The following CAMTA1 variants were observed in gnomAD, a reference collection of about 807,000 sequenced individuals.
CAMTA1 encodes calmodulin-binding transcription activator 1.
Under a neutral mutation model 170.9 loss-of-function variants are expected in CAMTA1, and 27 were observed. The ratio of observed to expected loss-of-function variants is 0.16; its 90% CI spans 0.12 to 0.22. CAMTA1 has a LOEUF of 0.22. Among genes scored for constraint, CAMTA1 ranks in the 10% least tolerant of loss-of-function variants. The probability of loss-of-function intolerance (pLI) is 1.00; values close to 1 mark genes in which losing one functional copy is unlikely to be tolerated. For missense variants in CAMTA1, 1,619 were observed against 2,217.2 expected (o/e 0.73, Z 5.42); for synonymous variants, 833 against 891.5 (o/e 0.93, Z 1.17).
At chr1:7,649,082 T>C (rs942470700) in intron 7 of CAMTA1, among the ~76,000 whole-genome samples, 1 of 152,248 alleles carries the variant, frequency 6.6e-6, no homozygotes, top group African/African-American at 2.4e-5. Context: ...CATTTCTGGA[T>C]GTTCCAGGAC....
intron 3 of CAMTA1, among the ~76,000 whole-genome samples, chr1:6,943,308 C>A (rs556628994): frequency 6.6e-6 from 1 of 152,102 alleles, no homozygotes; most frequent in African/African-American, 2.4e-5. Context: ...AACTGTGGTC[C>A]CCTTGTCTCC....
intron 5 of CAMTA1, among the ~76,000 whole-genome samples, chr1:7,364,363 T>C (rs988269626): frequency 6.6e-6 from 1 of 152,076 alleles, no homozygotes; most frequent in Non-Finnish European, 1.5e-5. Context: ...ATTTAGTGTC[T>C]GGTAAGAGGC....
In CAMTA1 at chr1:7,561,855, G is replaced by C. The variant is rs577390596; in HGVS notation, c.511-78545G>C. ...AACGAACCCTCATCCCTGCCTGCAC[G>C]CCGGCCTGGAGGAGGAAGCCATCCT... On this transcript the variant is annotated intron_variant, in intron 6 of 22. Coordinates refer to ENST00000303635, the MANE Select transcript of CAMTA1 (RefSeq NM_015215.4). This position sits in a 1 kb window ranked among gnomAD's most constrained non-coding sequence, Gnocchi z 5.3. Among the ~76,000 whole-genome samples the C allele has an allele frequency of 2.0e-5, 3 of 152,126 alleles. No homozygotes were observed. The highest frequency in any genetic ancestry group is 4.8e-5 in the African/African-American group (2 of 41,420).
intron 4 of CAMTA1, among the ~76,000 whole-genome samples, chr1:7,230,702 G>A (rs890883491): frequency 6.6e-6 from 1 of 152,200 alleles, no homozygotes; most frequent in East Asian, 1.9e-4. Flanking sequence ...ATCTGGGAAA[G>A]CATCCTTATT....
At chr1:7,739,518 A>G (rs2096795164) in intron 16 of CAMTA1, among the ~76,000 whole-genome samples, 1 of 152,232 alleles carries the variant, frequency 6.6e-6, no homozygotes, top group African/African-American at 2.4e-5. Context: ...GACATACTCC[A>G]GACTGGGGAA....
chr1:7,555,312 G>A (rs1053746998), intron 6 of CAMTA1, among the ~76,000 whole-genome samples: 1 of 152,142 alleles, frequency 6.6e-6, no homozygotes, highest in African/African-American at 2.4e-5. Context: ...ATTTGGGGGT[G>A]CATGTGGGTA....
chr1:7,578,052 A>G (rs2095218590), intron 6 of CAMTA1, among the ~76,000 whole-genome samples: 1 of 152,238 alleles, frequency 6.6e-6, no homozygotes, highest in Admixed American at 6.5e-5. Flanking sequence ...TGTTAATCTC[A>G]CATTGTGAGT....
intron 6 of CAMTA1, among the ~76,000 whole-genome samples, chr1:7,632,052 C>T (rs1299807883): frequency 2.6e-5 from 4 of 152,240 alleles, no homozygotes; most frequent in Non-Finnish European, 5.9e-5. Context: ...CCCTCTATCC[C>T]GTCCCTAATA....
rs1401932316 is a variant in CAMTA1, at chr1:7,732,313, G to A, written c.2915-135G>A. 1 of 690,582 alleles carries A rather than the reference G, an allele frequency of 1.4e-6. No individual in the cohort carries two copies. The highest frequency in any genetic ancestry group is 2.7e-5 in the East Asian group (1 of 36,502). 42.8% of individuals were successfully genotyped at this position (690,582 alleles called of 1,614,324 possible). A position where few individuals can be genotyped will look rare whatever the true frequency, so the allele number is the denominator to read the frequency against. On this transcript the variant is annotated intron_variant, in intron 11 of 22. Coordinates refer to ENST00000303635, the MANE Select transcript of CAMTA1 (RefSeq NM_015215.4). The surrounding 1 kb of genome is among the most constrained non-coding windows in gnomAD (Gnocchi z 4.1). The stretch of plus-strand genomic sequence containing the variant: ...ATTCACGATCGTGCTGGGGAACTCT[G>A]GCTGGCGGAGACCTCTCTGGTTTGG...
At chr1:7,024,149 G>A (rs1701747163) in intron 3 of CAMTA1, among the ~76,000 whole-genome samples, 1 of 152,122 alleles carries the variant, frequency 6.6e-6, no homozygotes, top group African/African-American at 2.4e-5. Flanking sequence ...TGCACATGAA[G>A]GTCCAGCACA....
intron 3 of CAMTA1, among the ~76,000 whole-genome samples, chr1:7,070,412 T>C (rs1370675091): frequency 6.6e-6 from 1 of 152,218 alleles, no homozygotes; most frequent in Non-Finnish European, 1.5e-5. Flanking sequence ...CAGTTACTTG[T>C]TTTTCCTCAC....
At chr1:7,499,178 A>G (rs866415764) in intron 6 of CAMTA1, among the ~76,000 whole-genome samples, 1 of 102,292 alleles carries the variant, frequency 9.8e-6, no homozygotes, top group South Asian at 3.4e-4. Context: ...ATGTGTGTCC[A>G]TGAGTGTGCA....
intron 4 of CAMTA1, among the ~76,000 whole-genome samples, chr1:7,166,742 T>C (rs867306114): frequency 1.3e-5 from 2 of 152,172 alleles, no homozygotes; most frequent in South Asian, 2.1e-4. Context: ...TTTTCTTCAT[T>C]TTGATACTTT....
intron 3 of CAMTA1, among the ~76,000 whole-genome samples, chr1:6,863,283 T>G (rs1299738370): frequency 1.3e-5 from 2 of 152,224 alleles, no homozygotes; most frequent in African/African-American, 4.8e-5. Flanking sequence ...ATATTCATCT[T>G]ATAACCAAAA....
intron 5 of CAMTA1, among the ~76,000 whole-genome samples, chr1:7,449,438 C>T (rs2092759852): frequency 6.6e-6 from 1 of 152,148 alleles, no homozygotes; most frequent in African/African-American, 2.4e-5. Context: ...AGCCCTCTGA[C>T]CTCGTCTTTT....
chr1:6,841,215 C>A (rs780589716), intron 3 of CAMTA1, among the ~76,000 whole-genome samples: 5 of 152,144 alleles, frequency 3.3e-5, no homozygotes, highest in Non-Finnish European at 5.9e-5. Context: ...TTAATTACGC[C>A]GAGTCCACCT....
At chr1:7,677,765 C>T (rs1376918611) in intron 11 of CAMTA1, 32 bp downstream of exon 11, 12 of 1,600,700 alleles carry the variant, frequency 7.5e-6, no homozygotes, top group Non-Finnish European at 1.0e-5. Flanking sequence ...TCTTGCCAGG[C>T]ACCAAGGGAG....
At chr1:7,712,023 A>G (rs1055572469) in intron 11 of CAMTA1, among the ~76,000 whole-genome samples, 1 of 152,252 alleles carries the variant, frequency 6.6e-6, no homozygotes, top group Admixed American at 6.5e-5. Flanking sequence ...ATATTATAAA[A>G]CATTGAACTA....
intron 5 of CAMTA1, among the ~76,000 whole-genome samples, chr1:7,466,377 C>T (rs2093211581): frequency 3.3e-5 from 5 of 152,196 alleles, no homozygotes; most frequent in Admixed American, 3.3e-4. Flanking sequence ...TGACAGTGAT[C>T]TGTAAAAGTT....
Sources: gnomAD v4.1 joint callset for allele counts (sites outside exome capture counted in the v4.1 genomes callset) on GRCh38, gnomAD v4.1.1 for gene constraint, Gnocchi (gnomAD v3.1) non-coding constraint, MANE v1.5 for transcripts, NCBI Gene and HGNC (gene_info 2026-07-23, HGNC 2026-07-21) for gene names.